KIAA1549L: variants seen among roughly 807,000 people sequenced by gnomAD.
KIAA1549L encodes KIAA1549 like.
Under a neutral mutation model 160.7 loss-of-function variants are expected in KIAA1549L, and 88 were observed. The ratio of observed to expected loss-of-function variants is 0.55; its 90% CI spans 0.46 to 0.65. KIAA1549L has a LOEUF of 0.65. Among genes scored for constraint, KIAA1549L ranks in the 30% least tolerant of loss-of-function variants. The pLI is 0.00. For missense variants in KIAA1549L, 2,258 were observed against 2,437.5 expected (o/e 0.93, Z 1.55); for synonymous variants, 950 against 976.7 (o/e 0.97, Z 0.51).
intron 1 of KIAA1549L, among the ~76,000 whole-genome samples, chr11:33,472,202 TC>T (rs1470168458): frequency 2.6e-5 from 4 of 151,278 alleles, no homozygotes; most frequent in Admixed American, 6.6e-5. Flanking sequence ...TGCAGTGAAC[TC>T]CTGGGCTCAA....
chr11:33,404,382 G>T (rs1850601023), intron 1 of KIAA1549L, among the ~76,000 whole-genome samples: 1 of 152,084 alleles, frequency 6.6e-6, no homozygotes, highest in Non-Finnish European at 1.5e-5. Flanking sequence ...AAATTAGCCA[G>T]GCGTGGTGGC....
At chr11:33,497,310 G>A (rs1852843408) in intron 1 of KIAA1549L, among the ~76,000 whole-genome samples, 1 of 152,162 alleles carries the variant, frequency 6.6e-6, no homozygotes, top group Non-Finnish European at 1.5e-5. Flanking sequence ...CTAATATGCA[G>A]CCTCAACATT....
intron 1 of KIAA1549L, among the ~76,000 whole-genome samples, chr11:33,418,228 G>C (rs1360918290): frequency 6.6e-6 from 1 of 152,210 alleles, no homozygotes; most frequent in African/African-American, 2.4e-5. Context: ...CTGGCACCTA[G>C]AATAGGCTTT....
intron 13 of KIAA1549L, among the ~76,000 whole-genome samples, chr11:33,606,261 G>A (rs539570527): frequency 6.6e-6 from 1 of 152,274 alleles, no homozygotes; most frequent in Admixed American, 6.5e-5. Flanking sequence ...GAGGATTGTC[G>A]GATTTTAAGG....
At chr11:33,401,286 T>G (rs1339791595) in intron 1 of KIAA1549L, among the ~76,000 whole-genome samples, 1 of 147,970 alleles carries the variant, frequency 6.8e-6, no homozygotes, top group African/African-American at 2.5e-5. Context: ...ATAAAATATA[T>G]TTATATATAA....
At chr11:33,521,236 G>A (rs1853485698) in intron 1 of KIAA1549L, among the ~76,000 whole-genome samples, 1 of 152,174 alleles carries the variant, frequency 6.6e-6, no homozygotes, top group South Asian at 2.1e-4. Context: ...AAACACCTTG[G>A]GGTAGGGACC....
intron 1 of KIAA1549L, among the ~76,000 whole-genome samples, chr11:33,460,054 G>T (rs1851911438): frequency 6.6e-6 from 1 of 150,908 alleles, no homozygotes; most frequent in African/African-American, 2.5e-5. Context: ...TATCTTTAAT[G>T]CTCTCCCCAT....
intron 1 of KIAA1549L, among the ~76,000 whole-genome samples, chr11:33,491,045 A>T (rs1852646158): frequency 6.6e-6 from 1 of 152,244 alleles, no homozygotes; most frequent in South Asian, 2.1e-4. Flanking sequence ...AACTAATGGT[A>T]TAAGTGTCTG....
chr11:33,559,089 T>G (rs1296696439), intron 6 of KIAA1549L, among the ~76,000 whole-genome samples: 1 of 152,068 alleles, frequency 6.6e-6, no homozygotes, highest in East Asian at 1.9e-4. Flanking sequence ...CTGCCTACGT[T>G]GGCCTCCCAA....
At chr11:33,494,654 T>C (rs997008917) in intron 1 of KIAA1549L, among the ~76,000 whole-genome samples, 8 of 152,142 alleles carry the variant, frequency 5.3e-5, no homozygotes, top group African/African-American at 1.9e-4. Flanking sequence ...GGTAATTGCA[T>C]TTTAGAGAAT....
intron 1 of KIAA1549L, among the ~76,000 whole-genome samples, chr11:33,377,213 C>T (rs1424322005): frequency 6.6e-6 from 1 of 152,144 alleles, no homozygotes; most frequent in Non-Finnish European, 1.5e-5. Flanking sequence ...TTCAGGGTGG[C>T]AAAGTCCCTG....
At chr11:33,482,168 G>A (rs945117477) in intron 1 of KIAA1549L, among the ~76,000 whole-genome samples, 9 of 152,108 alleles carry the variant, frequency 5.9e-5, no homozygotes, top group Non-Finnish European at 1.2e-4. Context: ...GTAAGCAAAG[G>A]TTATTGATTT....
At chr11:33,447,680 A>G (rs1565141386) in intron 1 of KIAA1549L, among the ~76,000 whole-genome samples, 1 of 151,710 alleles carries the variant, frequency 6.6e-6, no homozygotes. Context: ...ACTTTTCTTC[A>G]TAGCATTAAT....
In KIAA1549L at chr11:33,504,180, G is replaced by A. The variant is rs758684702; in HGVS notation, c.239-37622G>A. 3.3e-5 allele frequency among the ~76,000 whole-genome samples: 5 copies of A among 152,042 alleles called. No homozygotes were observed. In the South Asian group the frequency reaches 6.2e-4, roughly 19 times the overall value. On this transcript the variant is annotated intron_variant, in intron 1 of 20. Transcript: ENST00000658780. ...GGAGGCTGAGGCAGGAGAATTGCTCGAACCGGGGAGGTGGAGGTTGCAGTG... is the reference window on the plus strand; with the variant it reads ...GGAGGCTGAGGCAGGAGAATTGCTCAAACCGGGGAGGTGGAGGTTGCAGTG...
rs539004865 is a variant in KIAA1549L at position 33,465,343 on chromosome 11, C to T, written c.239-76459C>T. Among the ~76,000 whole-genome samples the T allele has an allele frequency of 7.9e-5, 12 of 152,178 alleles. No homozygotes were observed. The South Asian group carries it at 8.3e-4, about 11-fold the overall frequency. On this transcript the variant is annotated intron_variant, in intron 1 of 20. Coordinates refer to ENST00000658780, the MANE Select transcript of KIAA1549L (RefSeq NM_012194.3). Reference sequence around the variant, plus strand: ...TGGTGGGATTACAGGTATGAGCCACCGTGCCCGGCCCCAGGGGACCTTCTT... The same window carrying T: ...TGGTGGGATTACAGGTATGAGCCACTGTGCCCGGCCCCAGGGGACCTTCTT...
In KIAA1549L at chr11:33,517,980, A is replaced by G. The variant is rs553078079; in HGVS notation, c.239-23822A>G. Among the ~76,000 whole-genome samples, 3 of 151,990 alleles carry G rather than the reference A, an allele frequency of 2.0e-5. No individual in the cohort carries two copies. The East Asian group carries it at 5.8e-4, about 29-fold the overall frequency. ...GATGGTGAAACCCCATCTCTACTCA[A>G]AATACAAAAATTAGCCAGGTGTGGT... On this transcript the variant is annotated intron_variant, in intron 1 of 20. Transcript: ENST00000658780.
At chr11:33,665,016 T>C (rs1423661130) in intron 20 of KIAA1549L, among the ~76,000 whole-genome samples, 1 of 152,188 alleles carries the variant, frequency 6.6e-6, no homozygotes, top group Admixed American at 6.5e-5. Flanking sequence ...CTGTCTTGCC[T>C]GAGCTCCTCC....
intron 13 of KIAA1549L, among the ~76,000 whole-genome samples, chr11:33,602,969 C>T (rs1339873231): frequency 6.6e-6 from 1 of 152,150 alleles, no homozygotes; most frequent in Non-Finnish European, 1.5e-5. Flanking sequence ...TAATGCTATG[C>T]TGCCCACCTT....
rs555333421 is a variant in KIAA1549L at position 33,540,837 on chromosome 11, C to T, written c.239-965C>T. Reference sequence around the variant, plus strand: ...TCAGGCTGAGCTGGGCATATGATTACGGCCTGCCTAGGAGATGGAGTTGGT... The same window carrying T: ...TCAGGCTGAGCTGGGCATATGATTATGGCCTGCCTAGGAGATGGAGTTGGT... On this transcript the variant is annotated intron_variant, in intron 1 of 20. Transcript: ENST00000658780. Among the ~76,000 whole-genome samples, 17 of 152,250 alleles carry T rather than the reference C, an allele frequency of 1.1e-4. No homozygotes were observed. The East Asian group carries it at 1.5e-3, about 14-fold the overall frequency.
Sources: allele counts gnomAD v4.1 joint callset (sites outside exome capture counted in the v4.1 genomes callset), GRCh38; gene constraint gnomAD v4.1.1; transcripts MANE v1.5; gene names NCBI Gene and HGNC (gene_info 2026-07-23, HGNC 2026-07-21).